The following ZNRF1 variants were observed in gnomAD, a reference collection of about 807,000 sequenced individuals.
ZNRF1 encodes the protein E3 ubiquitin-protein ligase ZNRF1.
In ZNRF1, 3 loss-of-function variants were observed where a neutral mutation model predicts 18.4. The ratio of observed to expected loss-of-function variants is 0.16; its 90% CI spans 0.07 to 0.42. ZNRF1 has a LOEUF of 0.42. ZNRF1 is among the 10% of genes least tolerant of loss of function. ZNRF1 has a pLI of 0.99. For synonymous variants in ZNRF1, 157 were observed against 144.2 expected, an observed-to-expected ratio of 1.09 and a Z score of -0.64; for missense variants, 310 against 329.8, an observed-to-expected ratio of 0.94 and a Z score of 0.47.
chr16:75,106,325 A>G, intron 3 of ZNRF1, 157 bp from the exon 4 acceptor site: 1 of 690,812 alleles, frequency 1.4e-6, no homozygotes, highest in Non-Finnish European at 2.5e-6. Context: ...GTGCTTCAGA[A>G]AGTAGGGATA....
At chr16:75,000,353 G>A (rs1567460886) in intron 1 of ZNRF1, 4 of 668,002 alleles carry the variant, frequency 6.0e-6, no homozygotes, top group Non-Finnish European at 2.7e-6. Context: ...ACCTATTGGA[G>A]TTCCATTTAT....
At chr16:75,096,061 CGTGTGTGTGTGTGTGTGTGTGT>C (rs56013949) in intron 2 of ZNRF1, among the ~76,000 whole-genome samples, 5 of 139,750 alleles carry the variant, frequency 3.6e-5, no homozygotes, top group East Asian at 2.1e-4. Flanking sequence ...TATGTGTGCA[CGTGTGTGTGTGTGTGTGTGTGT>C]GTGTGTGTGT....
chr16:75,042,719 G>A (rs2035465253), intron 1 of ZNRF1, among the ~76,000 whole-genome samples: 1 of 152,004 alleles, frequency 6.6e-6, no homozygotes, highest in South Asian at 2.1e-4. Flanking sequence ...GACTATCCTA[G>A]GTCCTTTGCA....
intron 1 of ZNRF1, among the ~76,000 whole-genome samples, chr16:75,087,763 T>A (rs2036091210): frequency 6.6e-6 from 1 of 152,200 alleles, no homozygotes; most frequent in Non-Finnish European, 1.5e-5. Context: ...TGGGAGGAGA[T>A]GATTGCCTAC....
rs1340588916 is a variant in ZNRF1 at position 75,108,348 on chromosome 16, T to C, written c.*648T>C. 7.9e-6 allele frequency: 3 copies of C among 380,280 alleles called. No individual in the cohort carries two copies. Among genetic ancestry groups the C allele is most frequent in the African/African-American group, 6.2e-5 (3 of 48,216 alleles). 23.6% of individuals were successfully genotyped at this position (380,280 alleles called of 1,614,324 possible). ...TTCTTCCTACTGATCCCATCTCTTT[T>C]CCCTTCTTTCCTCCTGGTTCCGGTC... On this transcript the variant is annotated 3_prime_UTR_variant, in exon 5 of 5. Coordinates refer to ENST00000335325, the MANE Select transcript of ZNRF1 (RefSeq NM_032268.5).
At chr16:75,045,219 A>G (rs2035500243) in intron 1 of ZNRF1, among the ~76,000 whole-genome samples, 1 of 152,216 alleles carries the variant, frequency 6.6e-6, no homozygotes, top group South Asian at 2.1e-4. Context: ...TCCCCATGCC[A>G]GGACCAGAAT....
At position 75,108,640 on chromosome 16, in the gene ZNRF1, A is replaced by C. The variant is rs1037319067; in HGVS notation, c.*940A>C. On this transcript the variant is annotated 3_prime_UTR_variant, in exon 5 of 5. Coordinates refer to ENST00000335325, the MANE Select transcript of ZNRF1 (RefSeq NM_032268.5). ...TATAAAATGTTTAAAAAAATGTTCA[A>C]AGCTTGGGAGAAAAGCTTTCTTCAT... 1 of 398,856 alleles carries C rather than the reference A, an allele frequency of 2.5e-6. No homozygotes were observed. Among genetic ancestry groups the C allele is most frequent in the Non-Finnish European group, 4.4e-6 (1 of 226,046 alleles). 24.7% of individuals were successfully genotyped at this position (398,856 alleles called of 1,614,324 possible).
At chr16:75,010,834 C>T (rs975064206) in intron 1 of ZNRF1, among the ~76,000 whole-genome samples, 1 of 151,622 alleles carries the variant, frequency 6.6e-6, no homozygotes, top group Admixed American at 6.6e-5. Context: ...CTTCAGCCTC[C>T]CAAGTAGCTG....
chr16:75,032,515 C>G (rs1218545000), intron 1 of ZNRF1, among the ~76,000 whole-genome samples: 1 of 152,048 alleles, frequency 6.6e-6, no homozygotes, highest in Non-Finnish European at 1.5e-5. Flanking sequence ...GCCTGGGCAA[C>G]AAGAGCGAAA....
At chr16:75,033,094 C>T (rs1046769395) in intron 1 of ZNRF1, among the ~76,000 whole-genome samples, 10 of 152,118 alleles carry the variant, frequency 6.6e-5, no homozygotes, top group Non-Finnish European at 1.3e-4. Flanking sequence ...CTTTATACGT[C>T]TGTCCTTAAG....
At chr16:75,057,348 T>C (rs560581696) in intron 1 of ZNRF1, among the ~76,000 whole-genome samples, 2 of 152,318 alleles carry the variant, frequency 1.3e-5, no homozygotes, top group East Asian at 3.9e-4. Context: ...AGTCACCAGG[T>C]TTGATCAACA....
chr16:75,101,646 T>C (rs980951666), intron 2 of ZNRF1, among the ~76,000 whole-genome samples: 2 of 152,208 alleles, frequency 1.3e-5, no homozygotes, highest in African/African-American at 4.8e-5. Context: ...CATCTTATCC[T>C]TCTGATGCAT....
intron 2 of ZNRF1, among the ~76,000 whole-genome samples, chr16:75,098,610 G>A (rs1177034755): frequency 6.6e-6 from 1 of 152,348 alleles, no homozygotes; most frequent in East Asian, 1.9e-4. Flanking sequence ...AGCTCTGCAT[G>A]CTGAATAGGC....
intron 1 of ZNRF1, among the ~76,000 whole-genome samples, chr16:75,051,574 G>T (rs1451867106): frequency 6.6e-6 from 1 of 151,172 alleles, no homozygotes; most frequent in Admixed American, 6.6e-5. Context: ...CTAGAGTGCA[G>T]TGGCATGATC....
At chr16:75,053,641 A>C (rs1567479858) in intron 1 of ZNRF1, among the ~76,000 whole-genome samples, 1 of 151,566 alleles carries the variant, frequency 6.6e-6, no homozygotes, top group South Asian at 2.1e-4. Flanking sequence ...TGTCACTATC[A>C]GGGGCTATTT....
chr16:75,055,067 C>A (rs2035651534), intron 1 of ZNRF1, among the ~76,000 whole-genome samples: 1 of 152,184 alleles, frequency 6.6e-6, no homozygotes, highest in Admixed American at 6.5e-5. Context: ...ACTGGGTGGG[C>A]AGGCGTTCGT....
At chr16:75,033,380 C>T (rs1331159038) in intron 1 of ZNRF1, among the ~76,000 whole-genome samples, 3 of 150,704 alleles carry the variant, frequency 2.0e-5, no homozygotes, top group East Asian at 1.9e-4. Context: ...TTCATGAACA[C>T]GGTATTTCTC....
At chr16:75,070,107 C>T (rs1293986870) in intron 1 of ZNRF1, among the ~76,000 whole-genome samples, 1 of 152,208 alleles carries the variant, frequency 6.6e-6, no homozygotes, top group Non-Finnish European at 1.5e-5. Context: ...GCCAAAAAAA[C>T]TCAGTAATCA....
chr16:75,036,818 C>T (rs751970579), intron 1 of ZNRF1, among the ~76,000 whole-genome samples: 1 of 152,138 alleles, frequency 6.6e-6, no homozygotes, highest in Non-Finnish European at 1.5e-5. Context: ...GTTTAATTCC[C>T]TCGGCCACTC....
Sources: gnomAD v4.1 joint callset for allele counts (sites outside exome capture counted in the v4.1 genomes callset) on GRCh38, gnomAD v4.1.1 for gene constraint, MANE v1.5 for transcripts, NCBI Gene and HGNC (gene_info 2026-07-23, HGNC 2026-07-21) for gene names.